SEMA6D: variants seen among roughly 807,000 people sequenced by gnomAD.
SEMA6D encodes semaphorin 6D, also known as semaphorin-6D.
In SEMA6D, 35 loss-of-function variants were observed where a neutral mutation model predicts 106.6. The ratio of observed to expected loss-of-function variants is 0.33; its 90% CI spans 0.25 to 0.44. The LOEUF is 0.44. SEMA6D is among the 20% of genes least tolerant of loss of function. SEMA6D has a pLI of 1.00. For missense variants in SEMA6D, 1,185 were observed against 1,345.9 expected (o/e 0.88, Z 1.87); for synonymous variants, 499 against 487.7 (o/e 1.02, Z -0.31).
chr15:47,679,964 A>G (rs960066927), intron 4 of SEMA6D, among the ~76,000 whole-genome samples: 5 of 152,096 alleles, frequency 3.3e-5, no homozygotes, highest in South Asian at 4.2e-4. Flanking sequence ...CAGAATTTGG[A>G]TTTCCATGCT....
chr15:47,591,226 C>T (rs2076433044), intron 3 of SEMA6D, among the ~76,000 whole-genome samples: 1 of 152,162 alleles, frequency 6.6e-6, no homozygotes, highest in Admixed American at 6.5e-5. Context: ...TTTATTATAT[C>T]AGGGCACTAA....
chr15:47,720,261 CTTTTTT>C (rs869122623), intron 1 of SEMA6D, among the ~76,000 whole-genome samples: 2 of 97,168 alleles, frequency 2.1e-5, no homozygotes, highest in Non-Finnish European at 4.0e-5. Flanking sequence ...AATAACCTTT[CTTTTTT>C]TTTTTTTTTT....
At chr15:47,594,005 G>T (rs1028078482) in intron 3 of SEMA6D, among the ~76,000 whole-genome samples, 2 of 152,158 alleles carry the variant, frequency 1.3e-5, no homozygotes, top group Admixed American at 6.5e-5. Context: ...AAATTTGGGT[G>T]GGGACACAGA....
At chr15:47,286,518 G>A (rs543541861) in intron 1 of SEMA6D, among the ~76,000 whole-genome samples, 1 of 152,110 alleles carries the variant, frequency 6.6e-6, no homozygotes, top group Admixed American at 6.5e-5. Context: ...TGTGAAGAGT[G>A]GCATTGTTTT....
chr15:47,314,350 G>A (rs113336523), intron 1 of SEMA6D, among the ~76,000 whole-genome samples: 8,756 of 151,808 alleles, frequency 0.058, 699 homozygotes, highest in African/African-American at 0.18. Context: ...TGTAATCCCA[G>A]CACTTTGGGA....
chr15:47,220,955 T>C (rs2031141426), intron 1 of SEMA6D, among the ~76,000 whole-genome samples: 1 of 152,194 alleles, frequency 6.6e-6, no homozygotes, highest in Non-Finnish European at 1.5e-5. Flanking sequence ...AACCACAATG[T>C]TAATATATTA....
intron 4 of SEMA6D, among the ~76,000 whole-genome samples, chr15:47,686,196 A>G (rs73392880): frequency 0.028 from 4,202 of 152,284 alleles, 214 homozygotes; most frequent in African/African-American, 0.097. Flanking sequence ...ATGTCATATT[A>G]TAGAATCATT....
rs1555442705 is a variant in SEMA6D, at chr15:47,454,599, G to GCACACGCACA, written c.-158-15870_-158-15869insGCACACACAC. ...GAGAGTTTACCATCCTTGCACATGTGCACACACACACACACACACACACAC... is the reference window on the plus strand; with the variant it reads ...GAGAGTTTACCATCCTTGCACATGTGCACACGCACACACACACACACACACACACACACAC... On this transcript the variant is annotated intron_variant, in intron 2 of 19. Transcript: ENST00000558014. Among the ~76,000 whole-genome samples, 1,265 of 148,984 alleles carry GCACACGCACA rather than the reference G, an allele frequency of 8.5e-3. 26 individuals carry two copies. The highest frequency in any genetic ancestry group is 0.03 in the African/African-American group (1,209 of 40,466).
intron 3 of SEMA6D, among the ~76,000 whole-genome samples, chr15:47,496,580 A>G (rs577940507): frequency 6.6e-6 from 1 of 152,214 alleles, no homozygotes; most frequent in South Asian, 2.1e-4. Flanking sequence ...TCTCATCATC[A>G]TTAAAATGGC....
At chr15:47,427,695 A>G (rs281230) in intron 2 of SEMA6D, among the ~76,000 whole-genome samples, 80,912 of 151,914 alleles carry the variant, frequency 0.53, 21,881 homozygotes, top group South Asian at 0.63. Context: ...ACTCACAGTG[A>G]GTCATTGAAT....
At chr15:47,379,052 A>G (rs543461682) in intron 1 of SEMA6D, among the ~76,000 whole-genome samples, 1 of 152,328 alleles carries the variant, frequency 6.6e-6, no homozygotes, top group Admixed American at 6.5e-5. Context: ...TGCCTCTATA[A>G]CTGCCGTAAC....
intron 3 of SEMA6D, among the ~76,000 whole-genome samples, chr15:47,472,448 GA>G (rs1264863108): frequency 1.3e-5 from 2 of 152,110 alleles, no homozygotes; most frequent in African/African-American, 4.8e-5. Flanking sequence ...CTCTCAAACA[GA>G]AAAGATATTA....
chr15:47,533,560 C>G (rs184587289), intron 3 of SEMA6D, among the ~76,000 whole-genome samples: 2 of 152,034 alleles, frequency 1.3e-5, no homozygotes, highest in Admixed American at 6.6e-5. Context: ...GTGGGAAGCG[C>G]GGGAAGTGAA....
chr15:47,274,338 G>A (rs529780593), intron 1 of SEMA6D: 1 of 152,190 alleles, frequency 6.6e-6, no homozygotes, highest in South Asian at 2.1e-4. Flanking sequence ...CCTGAAAGAA[G>A]CTTTCATGTC....
chr15:47,348,727 C>CCACACACAGAGAGAGAG (rs1555425939), intron 1 of SEMA6D, among the ~76,000 whole-genome samples: 2 of 57,118 alleles, frequency 3.5e-5, no homozygotes, highest in African/African-American at 9.9e-5. Context: ...ACCACACACA[C>CCACACACAGAGAGAGAG]AGAGAGAGAG....
intron 4 of SEMA6D, among the ~76,000 whole-genome samples, chr15:47,647,570 G>A (rs1394533624): frequency 2.0e-5 from 3 of 152,122 alleles, no homozygotes; most frequent in African/African-American, 7.2e-5. Flanking sequence ...ATTTTAAAAA[G>A]AGGAGAAAAT....
intron 3 of SEMA6D, among the ~76,000 whole-genome samples, chr15:47,534,215 A>G (rs2045076727): frequency 6.6e-6 from 1 of 152,016 alleles, no homozygotes; most frequent in Non-Finnish European, 1.5e-5. Context: ...AATGGAGACA[A>G]ATTATCACCT....
chr15:47,201,457 T>C (rs564953780), intron 1 of SEMA6D, among the ~76,000 whole-genome samples: 3 of 152,330 alleles, frequency 2.0e-5, no homozygotes, highest in African/African-American at 7.2e-5. Context: ...CCCTGATTTC[T>C]GTCTTTTCTT....
intron 1 of SEMA6D, among the ~76,000 whole-genome samples, chr15:47,319,347 T>A (rs1407538665): frequency 6.6e-6 from 1 of 152,224 alleles, no homozygotes; most frequent in East Asian, 1.9e-4. Flanking sequence ...TTTTGCCATT[T>A]TGTATTCCTT....
Sources: allele counts gnomAD v4.1 joint callset (sites outside exome capture counted in the v4.1 genomes callset), GRCh38; gene constraint gnomAD v4.1.1; transcripts MANE v1.5; gene names NCBI Gene and HGNC (gene_info 2026-07-23, HGNC 2026-07-21).